The following TXLNB variants were observed in gnomAD, a reference collection of about 807,000 sequenced individuals.
TXLNB encodes taxilin beta.
In TXLNB, 37 loss-of-function variants were observed where a neutral mutation model predicts 57.4. The observed-to-expected ratio is 0.64, with a 90% CI of 0.50 to 0.85. The LOEUF (loss-of-function observed/expected upper bound fraction) is 0.85. Ranked by LOEUF, TXLNB falls within the 40% of genes least tolerant of loss-of-function variation. The pLI is 0.00. For missense variants in TXLNB, 848 were observed against 825.6 expected (o/e 1.03, Z -0.33); for synonymous variants, 302 against 309.6 (o/e 0.98, Z 0.26).
chr6:139,219,923 A>T, the TXLNB span, among the ~76,000 whole-genome samples: 1 of 152,102 alleles, frequency 6.6e-6, no homozygotes, highest in Non-Finnish European at 1.5e-5. Context: ...CTGCATTTTC[A>T]CTTGCGGTTT....
the TXLNB span, among the ~76,000 whole-genome samples, chr6:139,316,476 C>G: frequency 1.3e-5 from 2 of 151,978 alleles, no homozygotes; most frequent in Non-Finnish European, 2.9e-5. Context: ...TTTCTTATCA[C>G]AGACCCTCTA....
At chr6:139,202,748 A>G in the TXLNB span, among the ~76,000 whole-genome samples, 1 of 152,238 alleles carries the variant, frequency 6.6e-6, no homozygotes, top group Non-Finnish European at 1.5e-5. Context: ...TTGAAAATAT[A>G]CAAGAAATTA....
At chr6:139,215,679 G>C in the TXLNB span, among the ~76,000 whole-genome samples, 1 of 152,190 alleles carries the variant, frequency 6.6e-6, no homozygotes, top group South Asian at 2.1e-4. Flanking sequence ...TACCATCAGA[G>C]TGAACAGGCA....
At chr6:139,162,128 G>A in the TXLNB span, among the ~76,000 whole-genome samples, 1 of 152,172 alleles carries the variant, frequency 6.6e-6, no homozygotes, top group African/African-American at 2.4e-5. Flanking sequence ...TGAGTAAGAG[G>A]CTTCCTCTCC....
At position 139,262,788 on chromosome 6, in the gene TXLNB, C is replaced by T. The variant is rs1025157222; in HGVS notation, c.688-15G>A. The T allele has an allele frequency of 6.2e-7, 1 of 1,610,440 alleles. No homozygotes were observed. Among genetic ancestry groups the T allele is most frequent in the African/African-American group, 1.3e-5 (1 of 74,646 alleles). ...AGCGCCTCTTCCTGCGGATAAAAAG[C>T]AAAACATTTTGTTTAAATGCACCCC... On this transcript the variant is annotated splice_polypyrimidine_tract_variant and intron_variant, in intron 4 of 9. Transcript: ENST00000358430.
the TXLNB span, among the ~76,000 whole-genome samples, chr6:139,163,145 G>T: frequency 6.6e-6 from 1 of 152,194 alleles, no homozygotes; most frequent in Admixed American, 6.5e-5. Flanking sequence ...AACTCGGGGT[G>T]ATTTTACCCC....
intron 7 of TXLNB, among the ~76,000 whole-genome samples, chr6:139,248,798 G>A (rs1776127986): frequency 6.6e-6 from 1 of 152,192 alleles, no homozygotes; most frequent in Non-Finnish European, 1.5e-5. Context: ...ACTTGGTCTT[G>A]AAGGAAGGGA....
In TXLNB at chr6:139,276,938, A is replaced by C; in HGVS notation, c.425-17T>G. ...CTTCTTTGCCTTAAAAAAAAAAGAC[A>C]TGAAAAAAATAAGTGTTGAATTTAC... On this transcript the variant is annotated splice_polypyrimidine_tract_variant and intron_variant, in intron 2 of 9. Transcript: ENST00000358430. 6.4e-7 allele frequency: 1 copy of C among 1,567,794 alleles called. No individual in the cohort carries two copies. The highest frequency in any genetic ancestry group is 8.6e-7 in the Non-Finnish European group (1 of 1,159,366).
chr6:139,318,939 C>CT, the TXLNB span, among the ~76,000 whole-genome samples: 2,803 of 120,336 alleles, frequency 0.023, 64 homozygotes, highest in Non-Finnish European at 0.028. Context: ...GTCTTCCTTC[C>CT]TTTTTTTTTT....
chr6:139,193,507 A>T, the TXLNB span, among the ~76,000 whole-genome samples: 1 of 151,876 alleles, frequency 6.6e-6, no homozygotes, highest in South Asian at 2.1e-4. Flanking sequence ...TCATAAGTGG[A>T]TCTTTTTGCT....
At chr6:139,163,211 T>C in the TXLNB span, among the ~76,000 whole-genome samples, 27 of 152,300 alleles carry the variant, frequency 1.8e-4, no homozygotes, top group African/African-American at 6.5e-4. Flanking sequence ...CTCTACGGGA[T>C]GGACAGTGAG....
chr6:139,228,398 C>T, the TXLNB span, among the ~76,000 whole-genome samples: 2 of 151,826 alleles, frequency 1.3e-5, no homozygotes. Context: ...TGGTGGTGGG[C>T]ATCTGTAATC....
chr6:139,280,356 A>T (rs1398599357), intron 2 of TXLNB, among the ~76,000 whole-genome samples: 1 of 152,176 alleles, frequency 6.6e-6, no homozygotes, highest in East Asian at 1.9e-4. Flanking sequence ...TTTTTCTGAA[A>T]CTTTTAGCAT....
chr6:139,170,283 G>A, the TXLNB span: 2 of 152,098 alleles, frequency 1.3e-5, no homozygotes, highest in African/African-American at 4.8e-5. Flanking sequence ...TCAAACTTAC[G>A]GATATCACAC....
intron 1 of TXLNB, among the ~76,000 whole-genome samples, chr6:139,290,986 G>A (rs111581795): frequency 3.9e-4 from 60 of 152,332 alleles, no homozygotes; most frequent in African/African-American, 1.3e-3. Context: ...ATAACTTAGA[G>A]GAAGTACTTT....
At chr6:139,209,598 C>A in the TXLNB span, among the ~76,000 whole-genome samples, 1 of 151,962 alleles carries the variant, frequency 6.6e-6, no homozygotes, top group South Asian at 2.1e-4. Context: ...ACAAAGCTTA[C>A]AAAAAGATAA....
the TXLNB span, among the ~76,000 whole-genome samples, chr6:139,319,104 G>A: frequency 3.3e-5 from 5 of 151,702 alleles, no homozygotes; most frequent in East Asian, 3.9e-4. Flanking sequence ...CATCATGCCC[G>A]GCTAATGTTT....
the TXLNB span, among the ~76,000 whole-genome samples, chr6:139,223,097 G>A: frequency 4.3e-4 from 65 of 152,174 alleles, 1 homozygote; most frequent in East Asian, 0.011. Flanking sequence ...AACATGTTTC[G>A]AATGATTTAA....
upstream of TXLNB, among the ~76,000 whole-genome samples, chr6:139,293,296 T>C (rs758880138): frequency 4.6e-5 from 7 of 152,220 alleles, no homozygotes; most frequent in Non-Finnish European, 8.8e-5. Flanking sequence ...TTCGCTGTGT[T>C]GGCTAGGCTG....
Sources: gnomAD v4.1 joint callset for allele counts (sites outside exome capture counted in the v4.1 genomes callset) on GRCh38, gnomAD v4.1.1 for gene constraint, MANE v1.5 for transcripts, NCBI Gene and HGNC (gene_info 2026-07-23, HGNC 2026-07-21) for gene names.